Variants in DPP8 observed in about 807,000 individuals in gnomAD.
DPP8 encodes the protein dipeptidyl peptidase 8, also known as DPP VIII.
DPP8 carries 31 observed loss-of-function variants against 107.5 expected under a neutral mutation model. The ratio of observed to expected loss-of-function variants is 0.29; its 90% CI spans 0.22 to 0.39. The LOEUF is 0.39. DPP8 is among the 10% of genes least tolerant of loss of function. The probability of loss-of-function intolerance (pLI) is 1.00; values close to 1 mark genes in which losing one functional copy is unlikely to be tolerated. For synonymous variants in DPP8, 381 were observed against 356.6 expected (o/e 1.07, Z -0.77); for missense variants, 842 against 1,076.1 (o/e 0.78, Z 3.04).
Position 65,444,686 on chromosome 15 carries a change from T to C in DPP8, c.*2198A>G, listed in dbSNP as rs143745769. On this transcript the variant is annotated 3_prime_UTR_variant, in exon 20 of 20. Coordinates refer to ENST00000300141, the MANE Select transcript of DPP8 (RefSeq NM_130434.5). ...GATAGGAGGAAAGGAGAAGGCAACA[T>C]GCAAAAGGAAAACACCTGTGAACTC... 3.5e-4 allele frequency: 54 copies of C among 152,262 alleles called. No homozygotes were observed. The highest frequency in any genetic ancestry group is 1.3e-3 in the African/African-American group (52 of 41,566). 9.4% of individuals were successfully genotyped at this position (152,262 alleles called of 1,614,324 possible).
chr15:65,499,709 C>T (rs939521137), intron 4 of DPP8, among the ~76,000 whole-genome samples: 3 of 151,078 alleles, frequency 2.0e-5, no homozygotes, highest in African/African-American at 7.3e-5. Flanking sequence ...GGACTACAGG[C>T]GCATGCTACC....
At chr15:65,453,220 C>T (rs2064120043) in intron 17 of DPP8, among the ~76,000 whole-genome samples, 1 of 152,178 alleles carries the variant, frequency 6.6e-6, no homozygotes, top group Non-Finnish European at 1.5e-5. Context: ...TTGTGCTTGA[C>T]TGCTGAAGAT....
At chr15:65,475,685 G>T in intron 11 of DPP8, 2 of 592,730 alleles carry the variant, frequency 3.4e-6, no homozygotes, top group South Asian at 1.8e-5. Flanking sequence ...TAATACAATT[G>T]TTCTTCATTT....
At chr15:65,487,640 T>C (rs1440942385) in intron 7 of DPP8, 50 bp downstream of exon 7, 3 of 1,563,398 alleles carry the variant, frequency 1.9e-6, no homozygotes, top group Non-Finnish European at 2.6e-6. Context: ...GAAAGAATCT[T>C]ATTTGGAAAG....
At chr15:65,498,495 G>C (rs1220622738) in intron 4 of DPP8, among the ~76,000 whole-genome samples, 1 of 151,294 alleles carries the variant, frequency 6.6e-6, no homozygotes, top group Non-Finnish European at 1.5e-5. Context: ...TAACTTACCA[G>C]AAAGGAATTT....
chr15:65,477,303 G>C (rs901694476), intron 11 of DPP8, among the ~76,000 whole-genome samples: 1 of 152,038 alleles, frequency 6.6e-6, no homozygotes, highest in African/African-American at 2.4e-5. Flanking sequence ...GCTGAGGTAG[G>C]AGAATTGCTT....
intron 6 of DPP8, among the ~76,000 whole-genome samples, chr15:65,489,412 A>T (rs1430891154): frequency 9.2e-4 from 19 of 20,682 alleles, no homozygotes; most frequent in Non-Finnish European, 1.5e-3. Context: ...AATATAATCT[A>T]CTTTTTTTTT....
At chr15:65,448,793 TATA>T (rs1333289461) in intron 19 of DPP8, among the ~76,000 whole-genome samples, 2 of 136,656 alleles carry the variant, frequency 1.5e-5, no homozygotes, top group East Asian at 2.0e-4. Context: ...AATATACATA[TATA>T]ATATATAAAA....
rs917379071 is a variant in DPP8, at chr15:65,475,263, A to G, written c.1457-975T>C. 4.4e-5 allele frequency: 25 copies of G among 568,576 alleles called. No individual in the cohort carries two copies. In the Middle Eastern group the frequency reaches 1.4e-3, roughly 33 times the overall value. The allele number at this position is 568,576 out of a possible 1,614,324, so 35.2% of individuals were successfully genotyped here. On this transcript the variant is annotated intron_variant, in intron 11 of 19. Transcript: ENST00000300141. ...TTGAGAGTATGACATTTACAGAGAG[A>G]GGCTAGAGAGACCCAAATACCTCTA...
rs139177915 is a variant in DPP8 at position 65,478,782 on chromosome 15, T to C, written c.1456+98A>G. 1.3e-3 allele frequency: 1,046 copies of C among 798,182 alleles called. 12 individuals carry two copies. In the African/African-American group the frequency reaches 0.017, roughly 13 times the overall value. The allele number at this position is 798,182 out of a possible 1,614,324, so 49.4% of individuals were successfully genotyped here. A position where few individuals can be genotyped will look rare whatever the true frequency, so the allele number is the denominator to read the frequency against. ...CATATTAAGTTTAACAAAGCAAGTA[T>C]TGATGCTTATAAAGCATGCAAAAGA... On this transcript the variant is annotated intron_variant, in intron 11 of 19. Transcript: ENST00000300141.
intron 19 of DPP8, among the ~76,000 whole-genome samples, chr15:65,448,688 A>ATAT (rs1206941724): frequency 1.8e-4 from 23 of 127,722 alleles, no homozygotes; most frequent in African/African-American, 6.1e-4. Context: ...AAAAAAAAAA[A>ATAT]AAATATATAT....
intron 1 of DPP8, 110 bp from the exon 2 acceptor site, chr15:65,512,674 A>T: frequency 8.3e-7 from 1 of 1,200,366 alleles, no homozygotes; most frequent in Non-Finnish European, 1.2e-6. Flanking sequence ...CAAGAAAAAA[A>T]TGCTTTTTAG....
chr15:65,455,964 G>T, intron 16 of DPP8: 1 of 909,500 alleles, frequency 1.1e-6, no homozygotes, highest in Non-Finnish European at 1.6e-6. Context: ...GCTAAATGGT[G>T]CTAAATTCTA....
intron 10 of DPP8, among the ~76,000 whole-genome samples, chr15:65,479,377 AT>A (rs1567206241): frequency 6.6e-6 from 1 of 151,982 alleles, no homozygotes; most frequent in African/African-American, 2.4e-5. Context: ...AGATGAGGTA[AT>A]TTTTTTTATT....
chr15:65,454,563 G>A (rs560425972), intron 16 of DPP8, 148 bp from the exon 17 acceptor site: 9 of 675,246 alleles, frequency 1.3e-5, no homozygotes, highest in Admixed American at 1.2e-4. Context: ...GTCTCACTCT[G>A]TCACCCAGGC....
chr15:65,513,828 A>G (rs1335681419), intron 1 of DPP8, among the ~76,000 whole-genome samples: 1 of 152,224 alleles, frequency 6.6e-6, no homozygotes, highest in African/African-American at 2.4e-5. Flanking sequence ...CCAAATAACA[A>G]AAAGTGTTAT....
chr15:65,517,056 G>A (rs2071535642), intron 1 of DPP8: 2 of 153,006 alleles, frequency 1.3e-5, no homozygotes, highest in Non-Finnish European at 2.9e-5. Flanking sequence ...ACCACCAGCT[G>A]AAAAACCAGA....
chr15:65,475,021 T>C (rs2066255169), intron 11 of DPP8, among the ~76,000 whole-genome samples: 1 of 152,246 alleles, frequency 6.6e-6, no homozygotes, highest in Non-Finnish European at 1.5e-5. Flanking sequence ...GTTGTTTTTT[T>C]TTCATAACTT....
intron 10 of DPP8, among the ~76,000 whole-genome samples, chr15:65,479,991 T>C (rs1004845337): frequency 1.3e-5 from 2 of 151,960 alleles, no homozygotes; most frequent in East Asian, 3.9e-4. Flanking sequence ...ATCTATTATC[T>C]CCAGGAACAA....
Sources: gnomAD v4.1 joint callset for allele counts (sites outside exome capture counted in the v4.1 genomes callset) on GRCh38, gnomAD v4.1.1 for gene constraint, MANE v1.5 for transcripts, NCBI Gene and HGNC (gene_info 2026-07-23, HGNC 2026-07-21) for gene names.